The following PCCA variants were observed in gnomAD, a reference collection of about 807,000 sequenced individuals.
PCCA encodes propionyl-CoA carboxylase alpha chain, mitochondrial.
Under a neutral mutation model 101.3 loss-of-function variants are expected in PCCA, and 74 were observed. The observed-to-expected ratio is 0.73, with a 90% CI of 0.61 to 0.89. The LOEUF (loss-of-function observed/expected upper bound fraction) is 0.89, where lower values mean the gene tolerates loss of function less well. Ranked by LOEUF, PCCA falls within the 40% of genes least tolerant of loss-of-function variation. The probability of loss-of-function intolerance (pLI) is 0.00; values close to 1 mark genes in which losing one functional copy is unlikely to be tolerated. For synonymous variants in PCCA, 294 were observed against 313.6 expected (o/e 0.94, Z 0.66); for missense variants, 891 against 907.0 (o/e 0.98, Z 0.23).
chr13:100,195,042 A>G (rs1267437919), intron 6 of PCCA, among the ~76,000 whole-genome samples: 2 of 152,242 alleles, frequency 1.3e-5, no homozygotes, highest in Non-Finnish European at 2.9e-5. Flanking sequence ...TGTTCATGAA[A>G]CAATAAAAAG....
At chr13:100,358,505 G>T (rs1203036391) in intron 18 of PCCA, among the ~76,000 whole-genome samples, 1 of 152,090 alleles carries the variant, frequency 6.6e-6, no homozygotes, top group African/African-American at 2.4e-5. Context: ...GCATAGAAAT[G>T]GAAATTAAAA....
chr13:100,482,451 T>C (rs937355703), intron 21 of PCCA, among the ~76,000 whole-genome samples: 1 of 152,142 alleles, frequency 6.6e-6, no homozygotes, highest in Non-Finnish European at 1.5e-5. Flanking sequence ...CTGAGTGTGA[T>C]GAGAAGAGCG....
At position 100,524,983 on chromosome 13, in the gene PCCA, GGATAGATAGATA is replaced by G. The variant is rs201979758; in HGVS notation, c.2041-2657_2041-2646del. Among the ~76,000 whole-genome samples, 307 of 137,270 alleles carry G rather than the reference GGATAGATAGATA, an allele frequency of 2.2e-3. 1 individual carries two copies. Among genetic ancestry groups the G allele is most frequent in the African/African-American group, 3.9e-3 (148 of 38,262 alleles). The allele number at this position is 137,270 out of a possible 152,430, so 90.1% of individuals were successfully genotyped here. On this transcript the variant is annotated intron_variant, in intron 22 of 23. Transcript: ENST00000376285. Reference sequence around the variant, plus strand: ...TAGACCGAGATTCTGTCTCTAAGATGGATAGATAGATAGATAGATAGATAGATAGATAGATAG... The same window carrying G: ...TAGACCGAGATTCTGTCTCTAAGATGGATAGATAGATAGATAGATAGATAG...
chr13:100,224,267 T>TAC (rs1174907612), intron 7 of PCCA, among the ~76,000 whole-genome samples: 2 of 152,216 alleles, frequency 1.3e-5, no homozygotes, highest in African/African-American at 4.8e-5. Context: ...GGTAACCCAG[T>TAC]ACACCCTCTG....
At chr13:100,468,817 G>A (rs535585260) in intron 21 of PCCA, among the ~76,000 whole-genome samples, 1 of 152,136 alleles carries the variant, frequency 6.6e-6, no homozygotes, top group Non-Finnish European at 1.5e-5. Context: ...TTGAGGTCAG[G>A]AGTTCGAGAC....
intron 6 of PCCA, among the ~76,000 whole-genome samples, chr13:100,182,758 T>C (rs1310649544): frequency 6.6e-6 from 1 of 152,092 alleles, no homozygotes; most frequent in East Asian, 1.9e-4. Flanking sequence ...CCAGGGATCC[T>C]GAAAAGAGGA....
At chr13:100,232,391 T>TGTGTGTGTGG (rs1490661189) in intron 7 of PCCA, among the ~76,000 whole-genome samples, 2 of 148,844 alleles carry the variant, frequency 1.3e-5, no homozygotes, top group Admixed American at 6.6e-5. Flanking sequence ...TGTGTGTGTG[T>TGTGTGTGTGG]GGTTTTAGAG....
intron 22 of PCCA, 133 bp downstream of exon 22, chr13:100,515,700 C>A: frequency 2.0e-6 from 2 of 1,018,074 alleles, no homozygotes; most frequent in Non-Finnish European, 3.0e-6. Flanking sequence ...ACAGCAAAAT[C>A]GATTGCGTGT....
chr13:100,187,678 GA>G (rs1450915275), intron 6 of PCCA, among the ~76,000 whole-genome samples: 1 of 151,990 alleles, frequency 6.6e-6, no homozygotes, highest in East Asian at 1.9e-4. Flanking sequence ...TTTTATTGTT[GA>G]AAAAAACTTA....
chr13:100,361,343 C>T (rs1257451421), intron 18 of PCCA, among the ~76,000 whole-genome samples: 11 of 152,000 alleles, frequency 7.2e-5, no homozygotes, highest in Non-Finnish European at 2.9e-5. Flanking sequence ...CATACAAATG[C>T]AAGATGTTCA....
chr13:100,440,156 TTATATATATATA>T (rs398024171), intron 20 of PCCA, among the ~76,000 whole-genome samples: 2,495 of 92,512 alleles, frequency 0.027, 49 homozygotes, highest in East Asian at 0.035. Flanking sequence ...GAGTATTAAA[TTATATATATATA>T]TATATATATA....
At chr13:100,344,525 A>G (rs2152761915) in intron 18 of PCCA, among the ~76,000 whole-genome samples, 1 of 152,330 alleles carries the variant, frequency 6.6e-6, no homozygotes, top group East Asian at 1.9e-4. Flanking sequence ...CATTAGTTCC[A>G]TGATTTTTTT....
At chr13:100,376,928 G>A (rs2075949030) in intron 19 of PCCA, among the ~76,000 whole-genome samples, 2 of 152,326 alleles carry the variant, frequency 1.3e-5, no homozygotes, top group Non-Finnish European at 2.9e-5. Flanking sequence ...CCAGGGCCCT[G>A]GTGGTGTAGG....
At chr13:100,252,974 C>G (rs534032608) in intron 8 of PCCA, among the ~76,000 whole-genome samples, 15 of 152,164 alleles carry the variant, frequency 9.9e-5, no homozygotes, top group Non-Finnish European at 1.9e-4. Context: ...TGTCTGGACT[C>G]ATCCCCCCTC....
At chr13:100,344,422 T>C (rs1484249718) in intron 18 of PCCA, among the ~76,000 whole-genome samples, 1 of 152,228 alleles carries the variant, frequency 6.6e-6, no homozygotes, top group African/African-American at 2.4e-5. Flanking sequence ...AGCAATATGA[T>C]ATATTCCTAT....
intron 19 of PCCA, among the ~76,000 whole-genome samples, chr13:100,418,990 CT>C (rs1277220911): frequency 6.6e-6 from 1 of 151,728 alleles, no homozygotes; most frequent in African/African-American, 2.4e-5. Context: ...AAGCTTAGCT[CT>C]TTCTCACCCC....
intron 12 of PCCA, among the ~76,000 whole-genome samples, chr13:100,282,784 G>C (rs1239950123): frequency 1.3e-5 from 2 of 152,128 alleles, no homozygotes; most frequent in Non-Finnish European, 2.9e-5. Flanking sequence ...TTCATTGAGG[G>C]AGAATACACA....
chr13:100,137,969 C>T (rs1216897140), intron 4 of PCCA, among the ~76,000 whole-genome samples: 1 of 151,850 alleles, frequency 6.6e-6, no homozygotes, highest in Non-Finnish European at 1.5e-5. Context: ...AATTTTCTTT[C>T]GTGGAGTCGT....
At chr13:100,442,030 G>A (rs2080412328) in intron 20 of PCCA, among the ~76,000 whole-genome samples, 1 of 133,830 alleles carries the variant, frequency 7.5e-6, no homozygotes, top group African/African-American at 2.9e-5. Context: ...GTCTTGCTCT[G>A]TCACTCAGGC....
Sources: gnomAD v4.1 joint callset for allele counts (sites outside exome capture counted in the v4.1 genomes callset) on GRCh38, gnomAD v4.1.1 for gene constraint, MANE v1.5 for transcripts, NCBI Gene and HGNC (gene_info 2026-07-23, HGNC 2026-07-21) for gene names.